Variants in TASP1 observed in about 807,000 individuals in gnomAD.
TASP1 encodes the protein threonine aspartase 1.
Under a neutral mutation model 56.6 loss-of-function variants are expected in TASP1, and 16 were observed. The ratio of observed to expected loss-of-function variants is 0.28; its 90% confidence interval spans 0.19 to 0.43. TASP1 has a LOEUF of 0.43. Among genes scored for constraint, TASP1 ranks in the 20% least tolerant of loss-of-function variants. TASP1 has a pLI of 1.00. For synonymous variants in TASP1, 179 were observed against 184.2 expected, an observed-to-expected ratio of 0.97 and a Z score of 0.23; for missense variants, 393 against 511.6, an observed-to-expected ratio of 0.77 and a Z score of 2.24.
the TASP1 span, among the ~76,000 whole-genome samples, chr20:13,278,712 G>T: frequency 1.3e-5 from 2 of 152,176 alleles, no homozygotes; most frequent in African/African-American, 4.8e-5. Context: ...GATTGCTGTG[G>T]GTCAGGAATT....
At chr20:13,124,578 G>C in the TASP1 span, among the ~76,000 whole-genome samples, 2 of 152,102 alleles carry the variant, frequency 1.3e-5, no homozygotes, top group Non-Finnish European at 2.9e-5. Flanking sequence ...CGGGTGAAAG[G>C]GGGGGATTCA....
At chr20:13,165,031 T>G in the TASP1 span, 1 of 580,604 alleles carries the variant, frequency 1.7e-6, no homozygotes, top group Non-Finnish European at 3.0e-6. Context: ...TGTCTCCAGC[T>G]TGGACTGCAG....
At chr20:13,246,439 G>T in the TASP1 span, among the ~76,000 whole-genome samples, 1 of 152,168 alleles carries the variant, frequency 6.6e-6, no homozygotes, top group African/African-American at 2.4e-5. Flanking sequence ...CCAGGACAGA[G>T]GAAGGGCCAT....
the TASP1 span, among the ~76,000 whole-genome samples, chr20:13,230,770 A>C: frequency 3.3e-5 from 5 of 152,302 alleles, no homozygotes; most frequent in South Asian, 4.1e-4. Context: ...AGAAAAGAAA[A>C]AAAAACCTCA....
chr20:13,626,201 G>T (rs189952962), intron 2 of TASP1, among the ~76,000 whole-genome samples: 13 of 152,234 alleles, frequency 8.5e-5, no homozygotes, highest in African/African-American at 3.1e-4. Flanking sequence ...GAGGCGGGAG[G>T]ATCACTTGAG....
At chr20:13,263,271 G>GA in the TASP1 span, among the ~76,000 whole-genome samples, 1 of 152,142 alleles carries the variant, frequency 6.6e-6, no homozygotes, top group African/African-American at 2.4e-5. Flanking sequence ...TCACAGTGCA[G>GA]TTTTTCCCCA....
chr20:13,289,028 C>T, the TASP1 span, among the ~76,000 whole-genome samples: 2 of 152,044 alleles, frequency 1.3e-5, no homozygotes, highest in Non-Finnish European at 2.9e-5. Context: ...CCTTGTGATC[C>T]GCCCGCCTCA....
the TASP1 span, among the ~76,000 whole-genome samples, chr20:13,284,269 G>A: frequency 6.6e-6 from 1 of 152,168 alleles, no homozygotes; most frequent in Non-Finnish European, 1.5e-5. Context: ...ACTATGACTG[G>A]CCCACAGGAC....
the TASP1 span, among the ~76,000 whole-genome samples, chr20:13,186,289 G>A: frequency 3.9e-5 from 6 of 152,150 alleles, no homozygotes; most frequent in African/African-American, 1.4e-4. Context: ...CCATAACAAA[G>A]ACCTACTTTC....
chr20:13,319,900 T>C, the TASP1 span, among the ~76,000 whole-genome samples: 2 of 152,100 alleles, frequency 1.3e-5, no homozygotes, highest in African/African-American at 4.8e-5. Context: ...CTGCAGAGAT[T>C]GTGAGGGCTC....
intron 10 of TASP1, among the ~76,000 whole-genome samples, chr20:13,490,674 C>T (rs910717471): frequency 2.0e-5 from 3 of 152,014 alleles, no homozygotes; most frequent in African/African-American, 7.2e-5. Flanking sequence ...TCCTCCTTCC[C>T]TCCCTCACCC....
At chr20:13,559,823 T>C (rs1193626388) in intron 7 of TASP1, among the ~76,000 whole-genome samples, 3 of 152,132 alleles carry the variant, frequency 2.0e-5, no homozygotes, top group Non-Finnish European at 4.4e-5. Context: ...AGAACTCCCA[T>C]GTTTCAATCA....
At chr20:13,144,976 C>T in the TASP1 span, among the ~76,000 whole-genome samples, 1 of 152,076 alleles carries the variant, frequency 6.6e-6, no homozygotes. Context: ...AGGGTTTCAC[C>T]ATGTTAGCCA....
At chr20:13,530,338 A>T (rs1453949480) in intron 9 of TASP1, among the ~76,000 whole-genome samples, 1 of 152,202 alleles carries the variant, frequency 6.6e-6, no homozygotes, top group Non-Finnish European at 1.5e-5. Context: ...TGTTTCTGAC[A>T]ACACCACGCT....
At chr20:13,372,877 T>C in the TASP1 span, among the ~76,000 whole-genome samples, 2 of 152,140 alleles carry the variant, frequency 1.3e-5, no homozygotes, top group African/African-American at 4.8e-5. Context: ...ACTAACTTAA[T>C]TCCATCAAGA....
At chr20:13,180,400 G>T in the TASP1 span, among the ~76,000 whole-genome samples, 1 of 152,102 alleles carries the variant, frequency 6.6e-6, no homozygotes, top group Non-Finnish European at 1.5e-5. Flanking sequence ...GTCTTCTTTA[G>T]CTTCCCCATC....
At chr20:13,381,292 C>T in the TASP1 span, among the ~76,000 whole-genome samples, 72,371 of 152,088 alleles carry the variant, frequency 0.48, 18,807 homozygotes, top group Non-Finnish European at 0.58. Flanking sequence ...CCATCCCTCA[C>T]GGCACAGGTC....
At chr20:13,221,758 A>T in the TASP1 span, 1 of 1,425,948 alleles carries the variant, frequency 7.0e-7, no homozygotes. Flanking sequence ...CGGGTCCTAA[A>T]GCCGCGCGTC....
chr20:13,221,639 C>A, the TASP1 span: 1 of 656,132 alleles, frequency 1.5e-6, no homozygotes, highest in South Asian at 7.1e-5. Flanking sequence ...CCCCGCGGGC[C>A]CGGGAAGCGG....
Sources: allele counts gnomAD v4.1 joint callset (sites outside exome capture counted in the v4.1 genomes callset), GRCh38; gene constraint gnomAD v4.1.1; transcripts MANE v1.5; gene names NCBI Gene and HGNC (gene_info 2026-07-23, HGNC 2026-07-21).